PDE6A: variants seen among roughly 807,000 people sequenced by gnomAD.
PDE6A encodes phosphodiesterase 6A.
Under a neutral mutation model 106.3 loss-of-function variants are expected in PDE6A, and 84 were observed. That is an observed-to-expected ratio of 0.79 (90% CI 0.66 to 0.95). PDE6A has a LOEUF of 0.95. PDE6A is among the 40% of genes least tolerant of loss of function. The probability of loss-of-function intolerance (pLI) is 0.00; values close to 1 mark genes in which losing one functional copy is unlikely to be tolerated. For missense variants in PDE6A, 1,052 were observed against 1,084.9 expected (o/e 0.97, Z 0.43); for synonymous variants, 394 against 386.6 (o/e 1.02, Z -0.23).
chr5:149,921,544 C>T (rs934341072), intron 5 of PDE6A, 91 bp downstream of exon 5: 1 of 961,866 alleles, frequency 1.0e-6, no homozygotes, highest in Non-Finnish European at 1.7e-6. Context: ...AGACAAATAC[C>T]TATATGCTAA....
chr5:149,932,562 A>G, intron 3 of PDE6A: 3 of 1,486,038 alleles, frequency 2.0e-6, no homozygotes, highest in Non-Finnish European at 2.8e-6. Context: ...TCCCTGTTCC[A>G]GGTTGGCGTT....
In PDE6A at chr5:149,944,645, T is replaced by C. The variant is rs1228893425; in HGVS notation, c.29A>G (p.Glu10Gly). 6.2e-7 allele frequency: 1 copy of C among 1,612,198 alleles called. No individual in the cohort carries two copies. Among genetic ancestry groups the C allele is most frequent in the Non-Finnish European group, 8.5e-7 (1 of 1,179,344 alleles). ...GCCAATATTCGAGTCCAGGAACTTC[T>C]CCACCTCCTCTGCTGTCACCTCGCC... MGEVTAEEV[E>G]KFLDSNIGFA... The change falls in exon 1 of 22, where the codon GAG (glutamate) becomes GGG (glycine). Residue 10 changes from glutamate (E) to glycine (G), a missense_variant. Glu to Gly is a moderately conservative substitution (Grantham distance 98). This residue lies in a region of PDE6A where 913 missense variants were observed against 915.2 expected (regional missense o/e 1.00). Coordinates refer to ENST00000255266, the MANE Select transcript of PDE6A (RefSeq NM_000440.3).
At chr5:149,933,746 G>A (rs1754107693) in intron 3 of PDE6A, among the ~76,000 whole-genome samples, 184 bp downstream of exon 3, 1 of 152,238 alleles carries the variant, frequency 6.6e-6, no homozygotes, top group East Asian at 1.9e-4. Context: ...CTGTCTTGAA[G>A]CTTGTGCATA....
At chr5:149,924,412 G>T (rs1029254367) in intron 4 of PDE6A, among the ~76,000 whole-genome samples, 4 of 149,628 alleles carry the variant, frequency 2.7e-5, no homozygotes, top group South Asian at 4.2e-4. Context: ...TTTAGAAATA[G>T]ATATATATAT....
intron 13 of PDE6A, among the ~76,000 whole-genome samples, chr5:149,891,945 C>T (rs1752560962): frequency 6.6e-6 from 1 of 152,204 alleles, no homozygotes; most frequent in Non-Finnish European, 1.5e-5. Context: ...TCCTTTAGTG[C>T]TTCTTTTCTG....
chr5:149,939,958 C>CTCAA (rs1754284545), intron 1 of PDE6A: 1 of 151,398 alleles, frequency 6.6e-6, no homozygotes, highest in South Asian at 2.1e-4. Context: ...AGATTGTGAG[C>CTCAA]TCAAGGTCAG....
chr5:149,903,363 ATGT>A (rs933258736), intron 8 of PDE6A, among the ~76,000 whole-genome samples: 5 of 149,632 alleles, frequency 3.3e-5, no homozygotes, highest in Non-Finnish European at 1.5e-5. Flanking sequence ...TAATTGTATA[ATGT>A]TGTATTATAT....
At chr5:149,917,601 C>T (rs1753593789) in intron 5 of PDE6A, among the ~76,000 whole-genome samples, 1 of 152,314 alleles carries the variant, frequency 6.6e-6, no homozygotes, top group South Asian at 2.1e-4. Flanking sequence ...AAGCTGAAAC[C>T]ACTCCAATGG....
chr5:149,936,448 G>A (rs958340052), intron 1 of PDE6A, among the ~76,000 whole-genome samples: 10 of 152,198 alleles, frequency 6.6e-5, no homozygotes, highest in African/African-American at 2.4e-4. Context: ...CTGAGCACGT[G>A]TCTAGGTGGA....
intron 7 of PDE6A, among the ~76,000 whole-genome samples, chr5:149,905,157 A>T (rs1753135476): frequency 6.6e-6 from 1 of 152,000 alleles, no homozygotes. Flanking sequence ...TTCCAGAGAG[A>T]CACTGCCCTC....
At chr5:149,907,504 C>T (rs1277308766) in intron 6 of PDE6A, 126 bp from the exon 7 acceptor site, 8 of 722,356 alleles carry the variant, frequency 1.1e-5, no homozygotes, top group South Asian at 4.4e-5. Context: ...ATTCACTACA[C>T]CTGACCAAAC....
rs570825152 is a variant in PDE6A at position 149,944,189 on chromosome 5, G to C, written c.474+11C>G. The C allele has an allele frequency of 1.3e-6, 2 of 1,599,886 alleles. No individual in the cohort carries two copies. The highest frequency in any genetic ancestry group is 1.7e-6 in the Non-Finnish European group (2 of 1,167,628). ...TGCCCCATGCCCTCTCTCTCATGGG[G>C]AAGAGAGTACCTCCTCTGTGTTGGG... On this transcript the variant is annotated intron_variant, in intron 1 of 21. Coordinates refer to ENST00000255266, the MANE Select transcript of PDE6A (RefSeq NM_000440.3).
At position 149,883,855 on chromosome 5, in the gene PDE6A, A is replaced by G. The variant is rs199728814; in HGVS notation, c.2028-319T>C. ...ACACGTGTTGTGCCTGACACATAGT[A>G]TATGCTAAATTAATTGGAACTATGA... On this transcript the variant is annotated intron_variant, in intron 16 of 21. Coordinates refer to ENST00000255266, the MANE Select transcript of PDE6A (RefSeq NM_000440.3). Among the ~76,000 whole-genome samples, 5 of 152,176 alleles carry G rather than the reference A, an allele frequency of 3.3e-5. No individual in the cohort carries two copies. The East Asian group carries it at 5.8e-4, about 18-fold the overall frequency.
intron 6 of PDE6A, among the ~76,000 whole-genome samples, chr5:149,911,275 CTCAG>C (rs1372673368): frequency 2.0e-5 from 3 of 152,296 alleles, no homozygotes; most frequent in Non-Finnish European, 4.4e-5. Context: ...ATGTTTACTT[CTCAG>C]TCATTTTTCT....
chr5:149,924,275 A>G (rs148531463), intron 4 of PDE6A, among the ~76,000 whole-genome samples: 66 of 152,266 alleles, frequency 4.3e-4, no homozygotes, highest in Middle Eastern at 6.8e-3. Flanking sequence ...CCAGAAGAAG[A>G]ACAAATATAT....
At chr5:149,879,355 A>G (rs916000454) in intron 17 of PDE6A, among the ~76,000 whole-genome samples, 1 of 151,836 alleles carries the variant, frequency 6.6e-6, no homozygotes, top group Non-Finnish European at 1.5e-5. Flanking sequence ...TACAGGCATG[A>G]GCCACTGTGC....
chr5:149,889,081 C>CAAAAAAAAAAAAAAAAAAAAAAA (rs568428704), intron 13 of PDE6A, among the ~76,000 whole-genome samples: 16 of 61,508 alleles, frequency 2.6e-4, no homozygotes, highest in East Asian at 9.5e-4. Context: ...GACTCTGTCT[C>CAAAAAAAAAAAAAAAAAAAAAAA]AAAAAAAAAA....
intron 17 of PDE6A, 85 bp downstream of exon 17, chr5:149,883,344 G>A (rs1761001153): frequency 1.1e-6 from 1 of 896,212 alleles, no homozygotes; most frequent in African/African-American, 1.6e-5. Flanking sequence ...CCCAAGGCTT[G>A]TTGAGGGCAG....
chr5:149,915,098 G>C (rs1275025285), intron 5 of PDE6A, 91 bp from the exon 6 acceptor site: 2 of 740,590 alleles, frequency 2.7e-6, no homozygotes, highest in East Asian at 5.9e-5. Flanking sequence ...GCAATGGCTT[G>C]ATCTCAGCTC....
Sources: allele counts gnomAD v4.1 joint callset (sites outside exome capture counted in the v4.1 genomes callset), GRCh38; gene constraint gnomAD v4.1.1; regional missense constraint gnomAD v4.1.1; transcripts MANE v1.5; gene names NCBI Gene and HGNC (gene_info 2026-07-23, HGNC 2026-07-21).